KIF13B: variants seen among roughly 807,000 people sequenced by gnomAD.
KIF13B encodes the protein kinesin family member 13B, also known as kinesin-like protein KIF13B.
KIF13B carries 127 observed loss-of-function variants against 222.0 expected under a neutral mutation model. The ratio of observed to expected loss-of-function variants is 0.57; its 90% CI spans 0.50 to 0.66. The LOEUF (loss-of-function observed/expected upper bound fraction) is 0.66. KIF13B is among the 30% of genes least tolerant of loss of function. The pLI, the probability that KIF13B is intolerant of heterozygous loss-of-function variation, is 0.00. For missense variants in KIF13B, 2,173 were observed against 2,379.0 expected, an observed-to-expected ratio of 0.91 and a Z score of 1.80; for synonymous variants, 976 against 919.0, an observed-to-expected ratio of 1.06 and a Z score of -1.12.
intron 37 of KIF13B, among the ~76,000 whole-genome samples, chr8:29,089,718 A>T (rs1808204885): frequency 6.6e-6 from 1 of 151,840 alleles, no homozygotes; most frequent in South Asian, 2.1e-4. Context: ...ACATGGTGAA[A>T]CCCCGTCTCT....
At chr8:29,098,897 G>A (rs192539053) in intron 36 of KIF13B, among the ~76,000 whole-genome samples, 144 of 152,220 alleles carry the variant, frequency 9.5e-4, no homozygotes, top group Non-Finnish European at 1.5e-3. Flanking sequence ...GAGGTGCAAA[G>A]AGATTCCAGC....
At chr8:29,110,247 CT>C (rs1371904557) in intron 32 of KIF13B, among the ~76,000 whole-genome samples, 177 bp from the exon 33 acceptor site, 1 of 152,198 alleles carries the variant, frequency 6.6e-6, no homozygotes, top group African/African-American at 2.4e-5. Context: ...ACTAGGTCCA[CT>C]TGAAAGGCTG....
At chr8:29,174,324 A>C (rs1812388367) in intron 10 of KIF13B, among the ~76,000 whole-genome samples, 1 of 152,192 alleles carries the variant, frequency 6.6e-6, no homozygotes. Context: ...CAAAGTCTTG[A>C]ATTTTGCAGT....
In KIF13B at chr8:29,240,687, G is replaced by C. The variant is rs1445198213; in HGVS notation, c.149+4659C>G. Among the ~76,000 whole-genome samples, 6 of 152,346 alleles carry C rather than the reference G, an allele frequency of 3.9e-5. No individual in the cohort carries two copies. In the East Asian group the frequency reaches 1.2e-3, roughly 29 times the overall value. ...GGTTCTAAATCAGTAGCCAAGGGCT[G>C]AATCTGGCCAGGAGTGTTTGGCTTG... is the stretch of plus-strand genomic sequence containing the variant. On this transcript the variant is annotated intron_variant, in intron 2 of 39. Coordinates refer to ENST00000524189, the MANE Select transcript of KIF13B (RefSeq NM_015254.4).
chr8:29,070,852 G>A lies in KIF13B; in HGVS notation c.5219-86C>T. ...TCCCTTACCTCTGCAGAGGCCATGT[G>A]CCCACACTGCCACCCCCCCGCACAG... On this transcript the variant is annotated intron_variant, in intron 39 of 39. Transcript: ENST00000524189. The surrounding 1 kb of genome is among the most constrained non-coding windows in gnomAD (Gnocchi z 4.1). 5.0e-6 allele frequency: 7 copies of A among 1,399,080 alleles called. No individual in the cohort carries two copies. Among genetic ancestry groups the A allele is most frequent in the Non-Finnish European group, 6.9e-6 (7 of 1,018,482 alleles). 86.7% of individuals were successfully genotyped at this position (1,399,080 alleles called of 1,614,324 possible).
intron 12 of KIF13B, among the ~76,000 whole-genome samples, chr8:29,161,695 CA>C (rs1167347069): frequency 1.4e-5 from 1 of 73,482 alleles, no homozygotes; most frequent in African/African-American, 4.0e-5. Flanking sequence ...GACTCCATCT[CA>C]AAACCCCCCC....
chr8:29,202,134 T>A (rs1479155780), intron 2 of KIF13B, among the ~76,000 whole-genome samples: 4 of 152,112 alleles, frequency 2.6e-5, no homozygotes, highest in Non-Finnish European at 5.9e-5. Flanking sequence ...ATTTGAAAAC[T>A]CTACCAGTGA....
chr8:29,135,819 C>A lies in KIF13B; in HGVS notation c.2614-1609G>T, dbSNP rs552936019. On this transcript the variant is annotated intron_variant, in intron 21 of 39. Transcript: ENST00000524189. Reference sequence around the variant, plus strand: ...GCTCAGACACGAGAATCGCTTCAACCCGGGAGGCGGAGGTTGCAGGAGCAG... The same window carrying A: ...GCTCAGACACGAGAATCGCTTCAACACGGGAGGCGGAGGTTGCAGGAGCAG... 6.6e-5 allele frequency among the ~76,000 whole-genome samples: 10 copies of A among 152,268 alleles called. 1 individual carries two copies. In the South Asian group the frequency reaches 2.1e-3, roughly 32 times the overall value.
intron 10 of KIF13B, among the ~76,000 whole-genome samples, chr8:29,170,325 A>C (rs1284632233): frequency 6.6e-6 from 1 of 152,242 alleles, no homozygotes. Flanking sequence ...GACCCAGGAA[A>C]ACGACAGACT....
chr8:29,190,016 T>A (rs1288838013), intron 4 of KIF13B: 1 of 152,244 alleles, frequency 6.6e-6, no homozygotes. Flanking sequence ...ATATATCCTA[T>A]GGTAATTATA....
At chr8:29,162,139 G>T (rs1811809935) in intron 12 of KIF13B, among the ~76,000 whole-genome samples, 1 of 152,130 alleles carries the variant, frequency 6.6e-6, no homozygotes, top group Non-Finnish European at 1.5e-5. Flanking sequence ...GCTGGAGAGG[G>T]TATCTTCGAC....
rs1810077339 is a variant in KIF13B at position 29,125,713 on chromosome 8, A to C, written c.3252+769T>G. Among the ~76,000 whole-genome samples, 3 of 151,834 alleles carry C rather than the reference A, an allele frequency of 2.0e-5. No individual in the cohort carries two copies. The South Asian group carries it at 6.2e-4, about 32-fold the overall frequency. ...AGATGAAACTGCACAGAAAGAAACA[A>C]AGTCTTGCAGGAGGTTAGGAAAAGA... On this transcript the variant is annotated intron_variant, in intron 26 of 39. Coordinates refer to ENST00000524189, the MANE Select transcript of KIF13B (RefSeq NM_015254.4).
chr8:29,073,015 G>A (rs776399906), intron 38 of KIF13B, among the ~76,000 whole-genome samples: 4 of 151,620 alleles, frequency 2.6e-5, no homozygotes. Flanking sequence ...GCACCAACAA[G>A]GAGCCACGGG....
chr8:29,163,267 T>C (rs181492852), intron 12 of KIF13B, among the ~76,000 whole-genome samples: 2 of 152,314 alleles, frequency 1.3e-5, no homozygotes, highest in East Asian at 3.9e-4. Flanking sequence ...ACTAAAACTA[T>C]ACATAACAAT....
chr8:29,228,423 C>T (rs915118869), intron 2 of KIF13B, among the ~76,000 whole-genome samples: 6 of 144,648 alleles, frequency 4.1e-5, no homozygotes, highest in Admixed American at 7.0e-5. Context: ...GCCAAGATCG[C>T]GCCACTGCAC....
At chr8:29,183,859 A>G (rs899895968) in intron 6 of KIF13B, among the ~76,000 whole-genome samples, 5 of 152,206 alleles carry the variant, frequency 3.3e-5, no homozygotes, top group Admixed American at 6.5e-5. Flanking sequence ...TGTAGAACAC[A>G]TATAATGAAT....
At position 29,186,335 on chromosome 8, in the gene KIF13B, C is replaced by T. The variant is rs759625861; in HGVS notation, c.454G>A (p.Glu152Lys). 11 of 1,613,152 alleles carry T rather than the reference C, an allele frequency of 6.8e-6. No homozygotes were observed. Residue 152 changes from glutamate to lysine, a missense_variant, in exon 6 of 40, where the codon GAA becomes AAA. Glu to Lys is a moderately conservative substitution (Grantham distance 56, BLOSUM62 1). Around this residue, in one of 2 missense-constraint regions of KIF13B, gnomAD observed 1,480 missense variants for 1,722.8 expected, o/e 0.86. Transcript: ENST00000524189. ...TCTCGAACTTTTTCATTATAAATTT[C>T]CATGTAGGACACTTCTACTTTAAAA... ...QSFKVEVSYM[E>K]IYNEKVRDLL...
intron 2 of KIF13B, among the ~76,000 whole-genome samples, chr8:29,213,095 T>C (rs17534963): frequency 0.12 from 18,390 of 152,060 alleles, 1,256 homozygotes; most frequent in South Asian, 0.15. Flanking sequence ...GCCTTGAACA[T>C]GGGCTTTAGG....
At chr8:29,249,316 G>A (rs2130668779) in intron 1 of KIF13B, among the ~76,000 whole-genome samples, 1 of 151,832 alleles carries the variant, frequency 6.6e-6, no homozygotes, top group Admixed American at 6.6e-5. Context: ...TGTAGTCCCA[G>A]CTACTCGAGA....
Sources: gnomAD v4.1 joint callset for allele counts (sites outside exome capture counted in the v4.1 genomes callset) on GRCh38, gnomAD v4.1.1 for gene constraint, gnomAD v4.1.1 regional missense constraint, Gnocchi (gnomAD v3.1) non-coding constraint, MANE v1.5 for transcripts, NCBI Gene and HGNC (gene_info 2026-07-23, HGNC 2026-07-21) for gene names.